The following MGA variants were observed in gnomAD, a reference collection of about 807,000 sequenced individuals.
The protein encoded by MGA is MAX gene-associated protein.
Under a neutral mutation model 261.1 loss-of-function variants are expected in MGA, and 40 were observed. That is an observed-to-expected ratio of 0.15 (90% CI 0.12 to 0.20). MGA has a LOEUF of 0.20. Ranked by LOEUF, MGA falls within the 10% of genes least tolerant of loss-of-function variation. MGA has a pLI of 1.00. For missense variants in MGA, 3,397 were observed against 3,630.5 expected, an observed-to-expected ratio of 0.94 and a Z score of 1.65; for synonymous variants, 1,302 against 1,290.6, an observed-to-expected ratio of 1.01 and a Z score of -0.19.
intron 5 of MGA, among the ~76,000 whole-genome samples, chr15:41,705,001 A>G (rs2060035603): frequency 1.3e-5 from 2 of 152,246 alleles, no homozygotes; most frequent in African/African-American, 4.8e-5. Flanking sequence ...ACATGTAGAC[A>G]AGATTTTAGG....
At chr15:41,678,102 T>G (rs182133707) in intron 2 of MGA, among the ~76,000 whole-genome samples, 1 of 151,480 alleles carries the variant, frequency 6.6e-6, no homozygotes, top group African/African-American at 2.4e-5. Flanking sequence ...TTTTTTTTTT[T>G]TTTTTTGAGA....
chr15:41,709,478 T>C (rs2060277522), intron 7 of MGA, among the ~76,000 whole-genome samples: 1 of 152,078 alleles, frequency 6.6e-6, no homozygotes, highest in Non-Finnish European at 1.5e-5. Flanking sequence ...GGGGTCTTGC[T>C]CCATTGCCCA....
chr15:41,750,151 T>G lies in MGA; in HGVS notation c.6544T>G (p.Leu2182Val). 1 of 1,613,924 alleles carries G rather than the reference T, an allele frequency of 6.2e-7. No homozygotes were observed. The highest frequency in any genetic ancestry group is 8.5e-7 in the Non-Finnish European group (1 of 1,179,868). The stretch of plus-strand genomic sequence containing the variant: ...ATGGAGAAAACATCTGAAGGGCCCC[T>G]TAACCAGGAAATGTGTTGGAGCTTC... Residue 2182 changes from leucine (L) to valine (V), a missense_variant, in exon 17 of 24, where the codon TTA becomes GTA. Leu to Val is a conservative substitution (Grantham distance 32, BLOSUM62 1). This residue lies in a region of MGA where 1,410 missense variants were observed against 1,386.4 expected (regional missense o/e 1.02). Coordinates refer to ENST00000219905, the MANE Select transcript of MGA (RefSeq NM_001164273.2).
At chr15:41,704,572 G>C (rs1373755494) in intron 5 of MGA, among the ~76,000 whole-genome samples, 3 of 152,096 alleles carry the variant, frequency 2.0e-5, no homozygotes, top group Non-Finnish European at 4.4e-5. Context: ...GCAGGAGAAT[G>C]GCTTGAACCT....
chr15:41,762,068 AC>A (rs2063490046), intron 21 of MGA, 60 bp from the exon 22 acceptor site: 9 of 1,345,462 alleles, frequency 6.7e-6, no homozygotes, highest in Non-Finnish European at 8.2e-6. Flanking sequence ...ATTTCTGTTG[AC>A]TCTGTTTCTC....
At chr15:41,668,649 A>G (rs955546838) in intron 1 of MGA, among the ~76,000 whole-genome samples, 179 bp from the exon 2 acceptor site, 4 of 152,220 alleles carry the variant, frequency 2.6e-5, no homozygotes, top group African/African-American at 9.6e-5. Context: ...AAATGATTAG[A>G]TATTCCAGAG....
chr15:41,700,109 A>AG (rs2059762953), intron 5 of MGA, among the ~76,000 whole-genome samples: 1 of 140,864 alleles, frequency 7.1e-6, no homozygotes, highest in Admixed American at 7.6e-5. Flanking sequence ...CAGTGGCACG[A>AG]TCTCAGCTCA....
chr15:41,716,384 G>A (rs989420794), intron 9 of MGA, among the ~76,000 whole-genome samples: 2 of 152,050 alleles, frequency 1.3e-5, no homozygotes, highest in Non-Finnish European at 2.9e-5. Flanking sequence ...AACCCGGGAG[G>A]CAGAGCTTGC....
chr15:41,729,058 A>C (rs759551569), intron 10 of MGA, 106 bp from the exon 11 acceptor site: 143 of 1,177,744 alleles, frequency 1.2e-4, no homozygotes, highest in Non-Finnish European at 1.5e-4. Context: ...TGCATTAAAA[A>C]ATTTCGACTG....
chr15:41,764,081 C>A (rs1472578601), intron 22 of MGA, among the ~76,000 whole-genome samples: 2 of 151,872 alleles, frequency 1.3e-5, no homozygotes, highest in Non-Finnish European at 2.9e-5. Context: ...ATCACTTGAA[C>A]CCGGGTGGCG....
chr15:41,626,165 G>A (rs1447045943), intron 1 of MGA, among the ~76,000 whole-genome samples: 1 of 152,106 alleles, frequency 6.6e-6, no homozygotes, highest in Non-Finnish European at 1.5e-5. Flanking sequence ...ATCCTGTGGG[G>A]ATAAGAGGAG....
At chr15:41,685,494 C>T (rs1204382629) in intron 2 of MGA, among the ~76,000 whole-genome samples, 8 of 152,048 alleles carry the variant, frequency 5.3e-5, no homozygotes, top group Admixed American at 3.9e-4. Context: ...GTGAAAAAAC[C>T]CGCTGGAATT....
At chr15:41,705,009 A>G (rs930246315) in intron 5 of MGA, among the ~76,000 whole-genome samples, 1 of 152,252 alleles carries the variant, frequency 6.6e-6, no homozygotes, top group African/African-American at 2.4e-5. Flanking sequence ...ACAAGATTTT[A>G]GGTTCTAAGT....
intron 15 of MGA, among the ~76,000 whole-genome samples, 200 bp from the exon 16 acceptor site, chr15:41,748,437 G>A (rs967576802): frequency 2.6e-5 from 4 of 152,106 alleles, no homozygotes; most frequent in Non-Finnish European, 5.9e-5. Context: ...ACCTGTAGTC[G>A]CAGCTACTCG....
intron 5 of MGA, among the ~76,000 whole-genome samples, chr15:41,704,257 C>T (rs2059996214): frequency 6.6e-6 from 1 of 152,012 alleles, no homozygotes; most frequent in Non-Finnish European, 1.5e-5. Flanking sequence ...TTTGCCTAGG[C>T]TTGTCTCAAA....
intron 2 of MGA, among the ~76,000 whole-genome samples, chr15:41,674,784 T>A (rs7164947): frequency 0.014 from 2,169 of 152,298 alleles, 60 homozygotes; most frequent in African/African-American, 0.05. Flanking sequence ...TCCCAAAGTG[T>A]TGGGATTACA....
chr15:41,763,471 C>T (rs139882265), intron 22 of MGA, among the ~76,000 whole-genome samples: 9,953 of 151,672 alleles, frequency 0.066, 445 homozygotes, highest in Non-Finnish European at 0.092. Context: ...AGGCCGGATG[C>T]GGTGGCTCAC....
Position 41,769,640 on chromosome 15 carries a change from T to C in MGA, c.*2360T>C, listed in dbSNP as rs2063954394. On this transcript the variant is annotated 3_prime_UTR_variant, in exon 24 of 24. Transcript: ENST00000219905. Reference sequence around the variant, plus strand: ...ATATTACATGTGTGATTATGAAAGGTGAAGTTGAGTGAGAGGAGTTGAGGA... The same window carrying C: ...ATATTACATGTGTGATTATGAAAGGCGAAGTTGAGTGAGAGGAGTTGAGGA... 1 of 152,508 alleles carries C rather than the reference T, an allele frequency of 6.6e-6. No homozygotes were observed. Among genetic ancestry groups the C allele is most frequent in the Non-Finnish European group, 1.5e-5 (1 of 68,028 alleles). The allele number at this position is 152,508 out of a possible 1,614,324, so 9.4% of individuals were successfully genotyped here. A position where few individuals can be genotyped will look rare whatever the true frequency, so the allele number is the denominator to read the frequency against.
chr15:41,701,236 T>C (rs971897172), intron 5 of MGA, among the ~76,000 whole-genome samples: 7 of 152,192 alleles, frequency 4.6e-5, no homozygotes, highest in Non-Finnish European at 7.3e-5. Context: ...GTCTTCTCCC[T>C]TTTCCACTTC....
Sources: gnomAD v4.1 joint callset for allele counts (sites outside exome capture counted in the v4.1 genomes callset) on GRCh38, gnomAD v4.1.1 for gene constraint, gnomAD v4.1.1 regional missense constraint, MANE v1.5 for transcripts, NCBI Gene and HGNC (gene_info 2026-07-23, HGNC 2026-07-21) for gene names.